The following NBAS variants were observed in gnomAD, a reference collection of about 807,000 sequenced individuals.
NBAS encodes NAG/BC035112 fusion.
In NBAS, 219 loss-of-function variants were observed where a neutral mutation model predicts 302.5. The ratio of observed to expected loss-of-function variants is 0.72; its 90% CI spans 0.65 to 0.81. The LOEUF is 0.81. NBAS is among the 30% of genes least tolerant of loss of function. NBAS has a pLI of 0.00. For missense variants in NBAS, 2,932 were observed against 2,841.6 expected, an observed-to-expected ratio of 1.03 and a Z score of -0.72; for synonymous variants, 1,118 against 1,021.6, an observed-to-expected ratio of 1.09 and a Z score of -1.80.
the NBAS span, among the ~76,000 whole-genome samples, chr2:15,074,752 T>C: frequency 1.3e-5 from 2 of 152,184 alleles, no homozygotes; most frequent in African/African-American, 4.8e-5. Flanking sequence ...ATTTCCTTAA[T>C]AGACAAATAG....
intron 38 of NBAS, among the ~76,000 whole-genome samples, chr2:15,316,954 T>A (rs753603990): frequency 2.0e-5 from 3 of 152,140 alleles, no homozygotes; most frequent in Non-Finnish European, 2.9e-5. Flanking sequence ...GTAGCCTAAC[T>A]GGGAGACGCT....
the NBAS span, among the ~76,000 whole-genome samples, chr2:14,853,700 A>G: frequency 9.7e-6 from 1 of 103,588 alleles, no homozygotes; most frequent in Non-Finnish European, 1.9e-5. Context: ...AGACTGGATT[A>G]AGAAAATGTG....
chr2:14,846,036 C>A, the NBAS span, among the ~76,000 whole-genome samples: 12 of 152,134 alleles, frequency 7.9e-5, no homozygotes, highest in African/African-American at 2.9e-4. Flanking sequence ...AGAAAGATAT[C>A]AATATCCAAA....
At chr2:14,910,264 G>A in the NBAS span, among the ~76,000 whole-genome samples, 2 of 152,310 alleles carry the variant, frequency 1.3e-5, no homozygotes, top group East Asian at 3.9e-4. Flanking sequence ...GAAAACCGAG[G>A]TGCAAAGAGG....
chr2:14,922,922 G>A, the NBAS span, among the ~76,000 whole-genome samples: 37 of 152,176 alleles, frequency 2.4e-4, no homozygotes, highest in African/African-American at 8.2e-4. Context: ...GGAGGCCGAG[G>A]TGGGTGGATC....
chr2:15,015,188 C>T, the NBAS span, among the ~76,000 whole-genome samples: 1 of 151,466 alleles, frequency 6.6e-6, no homozygotes, highest in African/African-American at 2.4e-5. Flanking sequence ...GACTTCACCC[C>T]TGAATTCTGC....
intron 35 of NBAS, among the ~76,000 whole-genome samples, chr2:15,351,565 C>A (rs1260654454): frequency 2.0e-5 from 3 of 151,970 alleles, no homozygotes; most frequent in African/African-American, 7.3e-5. Context: ...GTAATCCCAG[C>A]TACTTGGGAA....
At chr2:15,359,974 T>C (rs1198627601) in intron 32 of NBAS, among the ~76,000 whole-genome samples, 1 of 152,210 alleles carries the variant, frequency 6.6e-6, no homozygotes, top group Non-Finnish European at 1.5e-5. Flanking sequence ...ATATATATGG[T>C]ATAGCTCCTA....
At chr2:15,328,928 T>G (rs1385917626) in intron 36 of NBAS, among the ~76,000 whole-genome samples, 1 of 152,184 alleles carries the variant, frequency 6.6e-6, no homozygotes, top group East Asian at 1.9e-4. Flanking sequence ...TCAGGCCCAG[T>G]TCAGACCTTA....
At chr2:15,486,535 C>T (rs1680634097) in intron 12 of NBAS, among the ~76,000 whole-genome samples, 1 of 152,166 alleles carries the variant, frequency 6.6e-6, no homozygotes, top group South Asian at 2.1e-4. Context: ...TCCAGACTCT[C>T]AGGGTATTTG....
intron 47 of NBAS, among the ~76,000 whole-genome samples, chr2:15,225,138 T>A (rs1667100064): frequency 6.6e-6 from 1 of 152,248 alleles, no homozygotes; most frequent in South Asian, 2.1e-4. Flanking sequence ...TCCTTGTGGC[T>A]GCTCTCAAAT....
chr2:15,316,187 TA>T (rs1263388962), intron 38 of NBAS, among the ~76,000 whole-genome samples: 2 of 152,216 alleles, frequency 1.3e-5, no homozygotes, highest in African/African-American at 4.8e-5. Context: ...ACCTTGAATA[TA>T]AAGCATTGTC....
At chr2:15,091,781 C>G in the NBAS span, among the ~76,000 whole-genome samples, 1 of 152,334 alleles carries the variant, frequency 6.6e-6, no homozygotes, top group South Asian at 2.1e-4. Flanking sequence ...GATCTGCCAG[C>G]CTCGGCCTCC....
the NBAS span, among the ~76,000 whole-genome samples, chr2:15,100,084 A>G: frequency 6.6e-6 from 1 of 152,214 alleles, no homozygotes; most frequent in Non-Finnish European, 1.5e-5. Context: ...CAGTTTGAAC[A>G]TTACATTCTC....
chr2:15,554,164 T>G, intron 3 of NBAS, 26 bp from the exon 4 acceptor site: 1 of 1,590,976 alleles, frequency 6.3e-7, no homozygotes, highest in Non-Finnish European at 8.6e-7. Context: ...ATTAGTTAGC[T>G]TAAAATCTAA....
intron 42 of NBAS, among the ~76,000 whole-genome samples, chr2:15,280,846 T>C (rs1174508381): frequency 1.3e-5 from 2 of 152,190 alleles, no homozygotes; most frequent in African/African-American, 4.8e-5. Context: ...CAACTGCTCC[T>C]GCCTGAGGAA....
intron 26 of NBAS, among the ~76,000 whole-genome samples, chr2:15,400,980 C>A (rs771797617): frequency 1.6e-4 from 25 of 152,104 alleles, no homozygotes; most frequent in Non-Finnish European, 3.5e-4. Flanking sequence ...TCAGGGTAAA[C>A]AACTTTAGCA....
intron 48 of NBAS, among the ~76,000 whole-genome samples, chr2:15,215,857 T>C (rs1666628080): frequency 6.6e-6 from 1 of 152,204 alleles, no homozygotes; most frequent in Non-Finnish European, 1.5e-5. Flanking sequence ...CACAAGTATC[T>C]GCCCACTAGT....
the NBAS span, among the ~76,000 whole-genome samples, chr2:15,100,267 T>C: frequency 6.6e-6 from 1 of 152,146 alleles, no homozygotes; most frequent in Non-Finnish European, 1.5e-5. Flanking sequence ...TAATAGTCTA[T>C]AATAGTAACT....
Sources: gnomAD v4.1 joint callset for allele counts (sites outside exome capture counted in the v4.1 genomes callset) on GRCh38, gnomAD v4.1.1 for gene constraint, MANE v1.5 for transcripts, NCBI Gene and HGNC (gene_info 2026-07-23, HGNC 2026-07-21) for gene names.